Variants in GABRG3 observed in about 807,000 individuals in gnomAD.
The protein encoded by GABRG3 is gamma-aminobutyric acid receptor subunit gamma-3.
In GABRG3, 25 loss-of-function variants were observed where a neutral mutation model predicts 48.8. The observed-to-expected ratio is 0.51, with a 90% CI of 0.37 to 0.72. The LOEUF (loss-of-function observed/expected upper bound fraction) is 0.72, where lower values mean the gene tolerates loss of function less well. Among genes scored for constraint, GABRG3 ranks in the 30% least tolerant of loss-of-function variants. GABRG3 has a pLI of 0.00. For synonymous variants in GABRG3, 227 were observed against 217.6 expected (o/e 1.04, Z -0.38); for missense variants, 394 against 577.9 (o/e 0.68, Z 3.26).
chr15:27,137,282 C>T (rs551682854), intron 3 of GABRG3, among the ~76,000 whole-genome samples: 5 of 152,270 alleles, frequency 3.3e-5, no homozygotes, highest in East Asian at 1.9e-4. Context: ...TCTACAGATT[C>T]GTCCCTACCA....
At chr15:27,052,568 G>A (rs1321117328) in intron 3 of GABRG3, among the ~76,000 whole-genome samples, 3 of 152,178 alleles carry the variant, frequency 2.0e-5, no homozygotes, top group Admixed American at 2.0e-4. Flanking sequence ...CCCTCCTGCT[G>A]CTTCTAAAAC....
chr15:27,126,418 G>A (rs1436437455), intron 3 of GABRG3, among the ~76,000 whole-genome samples: 2 of 152,098 alleles, frequency 1.3e-5, no homozygotes, highest in South Asian at 2.1e-4. Context: ...CTTTCCCACC[G>A]ACAGTAGCAT....
chr15:27,438,977 T>G (rs1423406302), intron 5 of GABRG3, among the ~76,000 whole-genome samples: 1 of 152,148 alleles, frequency 6.6e-6, no homozygotes, highest in Non-Finnish European at 1.5e-5. Context: ...GCTGGGAGCA[T>G]GTTCAGAGTG....
intron 3 of GABRG3, among the ~76,000 whole-genome samples, chr15:27,031,374 A>G (rs1896083626): frequency 6.6e-6 from 1 of 152,240 alleles, no homozygotes; most frequent in South Asian, 2.1e-4. Flanking sequence ...TACTGTTTCC[A>G]TAGTTTTGCT....
At chr15:27,245,026 T>C (rs1890229642) in intron 3 of GABRG3, among the ~76,000 whole-genome samples, 1 of 152,210 alleles carries the variant, frequency 6.6e-6, no homozygotes, top group Non-Finnish European at 1.5e-5. Context: ...TGCAGACATC[T>C]CACGGGTCGT....
At chr15:27,249,066 C>T (rs991375549) in intron 3 of GABRG3, among the ~76,000 whole-genome samples, 1 of 152,068 alleles carries the variant, frequency 6.6e-6, no homozygotes, top group African/African-American at 2.4e-5. Context: ...GAATAACTAG[C>T]GACAATGCAT....
intron 2 of GABRG3, among the ~76,000 whole-genome samples, chr15:27,018,614 G>C (rs1256590794): frequency 7.9e-5 from 12 of 152,030 alleles, no homozygotes; most frequent in Admixed American, 7.9e-4. Context: ...TATAGTTCTG[G>C]GATTAATGGA....
intron 3 of GABRG3, among the ~76,000 whole-genome samples, chr15:27,194,659 T>C (rs1477599430): frequency 6.6e-6 from 1 of 152,228 alleles, no homozygotes; most frequent in Non-Finnish European, 1.5e-5. Flanking sequence ...ATATGCAATG[T>C]GTTATTTCTC....
intron 3 of GABRG3, among the ~76,000 whole-genome samples, chr15:27,050,261 G>A (rs981910680): frequency 1.3e-5 from 2 of 152,188 alleles, no homozygotes; most frequent in African/African-American, 4.8e-5. Context: ...ATGAAGGAAG[G>A]CATTTGCTTT....
chr15:27,071,868 A>T, intron 3 of GABRG3, among the ~76,000 whole-genome samples: 1 of 152,222 alleles, frequency 6.6e-6, no homozygotes, highest in East Asian at 1.9e-4. Context: ...AGCAGTTATT[A>T]CTTGATTAGT....
chr15:27,494,053 A>C (rs1890422719), intron 6 of GABRG3, among the ~76,000 whole-genome samples: 1 of 152,102 alleles, frequency 6.6e-6, no homozygotes, highest in African/African-American at 2.4e-5. Context: ...TGATGTGATC[A>C]TATGATTTTT....
rs562513989 is a variant in GABRG3 at position 27,288,701 on chromosome 15, A to G, written c.271-38108A>G. 2.1e-5 allele frequency among the ~76,000 whole-genome samples: 3 copies of G among 144,994 alleles called. No homozygotes were observed. In the South Asian group the frequency reaches 6.5e-4, roughly 31 times the overall value. The stretch of plus-strand genomic sequence containing the variant: ...GCACTCCAGCCTGGGCAACAAGAGC[A>G]AAACTCCGTCTCACAGAAAAAAAAA... On this transcript the variant is annotated intron_variant, in intron 3 of 9. Coordinates refer to ENST00000615808, the MANE Select transcript of GABRG3 (RefSeq NM_033223.5).
chr15:27,139,497 A>G (rs1772035927), intron 3 of GABRG3, among the ~76,000 whole-genome samples: 1 of 152,160 alleles, frequency 6.6e-6, no homozygotes, highest in Admixed American at 6.5e-5. Flanking sequence ...AATTTCTTTC[A>G]GAAACACCCT....
At chr15:27,331,248 C>A (rs1489512937) in intron 5 of GABRG3, among the ~76,000 whole-genome samples, 1 of 152,038 alleles carries the variant, frequency 6.6e-6, no homozygotes, top group East Asian at 1.9e-4. Context: ...TGGCATTTAC[C>A]CAAATGAATT....
At chr15:26,973,247 G>A (rs1311390312) in intron 1 of GABRG3, among the ~76,000 whole-genome samples, 1 of 152,100 alleles carries the variant, frequency 6.6e-6, no homozygotes, top group Non-Finnish European at 1.5e-5. Context: ...AAAACAGTCC[G>A]GTTACTGGGG....
At chr15:27,269,306 T>C (rs1034498248) in intron 3 of GABRG3, among the ~76,000 whole-genome samples, 5 of 152,232 alleles carry the variant, frequency 3.3e-5, no homozygotes, top group Non-Finnish European at 7.3e-5. Flanking sequence ...GTCTACTTTA[T>C]CCTGTACCTC....
intron 2 of GABRG3, among the ~76,000 whole-genome samples, chr15:27,003,381 G>A (rs1440709692): frequency 6.6e-6 from 1 of 151,670 alleles, no homozygotes; most frequent in African/African-American, 2.4e-5. Context: ...CTTCCGCAGT[G>A]TTTGTGTCCC....
intron 3 of GABRG3, among the ~76,000 whole-genome samples, chr15:27,068,641 G>A (rs1896777881): frequency 6.6e-6 from 1 of 152,216 alleles, no homozygotes; most frequent in Admixed American, 6.5e-5. Flanking sequence ...TCAGAGCTGA[G>A]AGGCATGGAT....
Position 27,437,106 on chromosome 15 carries a change from A to C in GABRG3, c.575-43544A>C, listed in dbSNP as rs151255402. Among the ~76,000 whole-genome samples, 87 of 151,372 alleles carry C rather than the reference A, an allele frequency of 5.7e-4. 1 individual carries two copies. The highest frequency in any genetic ancestry group is 2.1e-3 in the African/African-American group (85 of 41,218). ...ATGTTCTAATGGCTTAGCTTGGATAATGTTGGTTATCACCAAGCATCTTTT... is the reference window on the plus strand; with the variant it reads ...ATGTTCTAATGGCTTAGCTTGGATACTGTTGGTTATCACCAAGCATCTTTT... On this transcript the variant is annotated intron_variant, in intron 5 of 9. Coordinates refer to ENST00000615808, the MANE Select transcript of GABRG3 (RefSeq NM_033223.5).
Sources: allele counts gnomAD v4.1 joint callset (sites outside exome capture counted in the v4.1 genomes callset), GRCh38; gene constraint gnomAD v4.1.1; transcripts MANE v1.5; gene names NCBI Gene and HGNC (gene_info 2026-07-23, HGNC 2026-07-21).